Variants in KLF16 observed in about 807,000 individuals in gnomAD.
KLF16 encodes the protein KLF transcription factor 16.
In KLF16, 6 loss-of-function variants were observed where a neutral mutation model predicts 6.1. The ratio of observed to expected loss-of-function variants is 0.98; its 90% CI spans 0.54 to 1.93. The LOEUF (loss-of-function observed/expected upper bound fraction) is 1.93. Among genes scored for constraint, KLF16 ranks in the 30% most tolerant of loss-of-function variants. The pLI is 0.01. For missense variants in KLF16, 355 were observed against 363.8 expected (o/e 0.98, Z 0.20); for synonymous variants, 211 against 176.5 (o/e 1.20, Z -1.55).
chr19:1,874,746 C>CA, the KLF16 span: 859 of 41,994 alleles, frequency 0.02, 123 homozygotes, highest in Non-Finnish European at 0.027. Context: ...GTCAGAGTCC[C>CA]AAAAAAAAAA....
At chr19:1,868,316 C>T (rs1376755996), upstream of KLF16, among the ~76,000 whole-genome samples, 2 of 152,056 alleles carry the variant, frequency 1.3e-5, no homozygotes, top group African/African-American at 4.8e-5. Flanking sequence ...ACCAGGGGGC[C>T]GAGGTCAACA....
chr19:1,861,147 T>A (rs2012056844), intron 1 of KLF16, among the ~76,000 whole-genome samples: 1 of 151,874 alleles, frequency 6.6e-6, no homozygotes, highest in African/African-American at 2.4e-5. Flanking sequence ...ATCCCTCCCC[T>A]CCCTGCTGGC....
At chr19:1,875,258 C>T in the KLF16 span, 1 of 152,212 alleles carries the variant, frequency 6.6e-6, no homozygotes, top group South Asian at 2.1e-4. Context: ...TAAAAGACAG[C>T]AAAAACCCTA....
Position 1,853,254 on chromosome 19 carries a change from GA to G in KLF16, c.*1204del, listed in dbSNP as rs1568730533. ...ATGCCGGACCACCCATGGGGGCCCA[GA>G]AAAAAAGGAATCCGTGCCTGAAAAA... On this transcript the variant is annotated 3_prime_UTR_variant, in exon 2 of 2. Transcript: ENST00000250916. 6.6e-6 allele frequency: 1 copy of G among 151,510 alleles called. No individual in the cohort carries two copies. Among genetic ancestry groups the G allele is most frequent in the Middle Eastern group, 3.4e-3 (1 of 296 alleles). 9.4% of individuals were successfully genotyped at this position (151,510 alleles called of 1,614,324 possible).
the KLF16 span, among the ~76,000 whole-genome samples, chr19:1,870,937 T>C: frequency 1.1e-4 from 16 of 152,082 alleles, no homozygotes; most frequent in Non-Finnish European, 1.6e-4. Flanking sequence ...TGGAGATTGC[T>C]GTAAGCCAAG....
intron 1 of KLF16, 35 bp downstream of exon 1, chr19:1,863,006 G>GC: frequency 3.2e-6 from 4 of 1,236,054 alleles, no homozygotes; most frequent in South Asian, 2.1e-5. Context: ...TCAGGCGGCC[G>GC]CCCCCGCAAG....
the KLF16 span, chr19:1,875,639 G>A: frequency 5.2e-5 from 8 of 152,382 alleles, no homozygotes; most frequent in African/African-American, 1.9e-4. Flanking sequence ...AGACACGGCG[G>A]AGTCCCAGCT....
At chr19:1,860,290 A>T (rs1183375720) in intron 1 of KLF16, 1 of 152,228 alleles carries the variant, frequency 6.6e-6, no homozygotes, top group East Asian at 1.9e-4. Context: ...CACGCAGGGG[A>T]GAGAGAGCCG....
chr19:1,863,105 GA>G lies in KLF16; in HGVS notation c.392del (p.Phe131SerfsTer14). 1.4e-6 allele frequency: 2 copies of G among 1,397,550 alleles called. No homozygotes were observed. The highest frequency in any genetic ancestry group is 1.9e-6 in the Non-Finnish European group (2 of 1,057,114). 86.6% of individuals were successfully genotyped at this position (1,397,550 alleles called of 1,614,324 possible). On this transcript the variant is annotated frameshift_variant, in exon 1 of 2. Transcript: ENST00000250916. LOFTEE classifies it high-confidence loss of function. ...SAAAKSHRCPFPDCAKAYYKS... is the reference protein window; with the variant it reads ...SAAAKSHRCPXPDCAKAYYKS... ...TGTAGTAGGCTTTGGCGCAGTCCGG[GA>G]AGGGACAGCGGTGGCTCTTGGCGGC...
chr19:1,873,436 C>A, the KLF16 span, among the ~76,000 whole-genome samples: 1 of 152,166 alleles, frequency 6.6e-6, no homozygotes, highest in African/African-American at 2.4e-5. Flanking sequence ...AGGGTCTGCC[C>A]TCCCCCCGGG....
At position 1,854,504 on chromosome 19, in the gene KLF16, G is replaced by C. The variant is rs1368806642; in HGVS notation, c.714C>G (p.Ser238Arg). Residue 238 changes from serine (S) to arginine (R), a missense_variant, in exon 2 of 2, where the codon AGC (serine) becomes AGG (arginine). Coordinates refer to ENST00000250916, the MANE Select transcript of KLF16 (RefSeq NM_031918.4). The part of the protein sequence containing the change: ...SDSLPCSLAG[S>R]PAPSPAPSPA... ...GGCTGGGCGCGGGGCTGGGCGCAGG[G>C]CTCCCGGCCAGGCTGCAGGGCAGCG... 4.8e-6 allele frequency: 7 copies of C among 1,470,176 alleles called. No homozygotes were observed. The highest frequency in any genetic ancestry group is 6.2e-6 in the Non-Finnish European group (7 of 1,121,508). The allele number at this position is 1,470,176 out of a possible 1,614,324, so 91.1% of individuals were successfully genotyped here. A position where few individuals can be genotyped will look rare whatever the true frequency, so the allele number is the denominator to read the frequency against.
At chr19:1,874,765 A>C in the KLF16 span, 3 of 149,020 alleles carry the variant, frequency 2.0e-5, no homozygotes, top group Admixed American at 2.0e-4. Context: ...AAAAAAAAAA[A>C]AAAAAAAAAA....
At chr19:1,863,612 G>GGC (rs2012123109), upstream of KLF16, 2 of 311,092 alleles carry the variant, frequency 6.4e-6, no homozygotes, top group South Asian at 1.2e-4. Flanking sequence ...GAGGAGGCCC[G>GGC]GCGCGCGCCG....
chr19:1,872,138 G>C, the KLF16 span, among the ~76,000 whole-genome samples: 126 of 152,142 alleles, frequency 8.3e-4, no homozygotes, highest in Non-Finnish European at 1.2e-3. Context: ...GTGGTTTTTC[G>C]TTGTTTTTTT....
At chr19:1,863,653 C>A, upstream of KLF16, 1 of 171,322 alleles carries the variant, frequency 5.8e-6, no homozygotes, top group South Asian at 1.7e-4. Flanking sequence ...CCTGCCCCGC[C>A]CCGCCTGACG....
the KLF16 span, among the ~76,000 whole-genome samples, chr19:1,871,820 G>A: frequency 3.9e-5 from 6 of 152,056 alleles, no homozygotes; most frequent in Non-Finnish European, 7.4e-5. Flanking sequence ...GGTCCTGCAG[G>A]GAGCATCTCT....
At chr19:1,869,640 A>C in the KLF16 span, among the ~76,000 whole-genome samples, 1 of 152,156 alleles carries the variant, frequency 6.6e-6, no homozygotes, top group Non-Finnish European at 1.5e-5. Context: ...ATGAGATTTC[A>C]CTGTTGCCCA....
chr19:1,874,380 C>CT, the KLF16 span, among the ~76,000 whole-genome samples: 2 of 151,992 alleles, frequency 1.3e-5, no homozygotes, highest in South Asian at 2.1e-4. Context: ...GAAAAGAATG[C>CT]TTTTTTGGGA....
At position 1,854,327 on chromosome 19, in the gene KLF16, C is replaced by T; in HGVS notation, c.*132G>A. 3.5e-6 allele frequency: 4 copies of T among 1,156,654 alleles called. No homozygotes were observed. The highest frequency in any genetic ancestry group is 4.5e-6 in the Non-Finnish European group (4 of 889,204). 71.6% of individuals were successfully genotyped at this position (1,156,654 alleles called of 1,614,324 possible). On this transcript the variant is annotated 3_prime_UTR_variant, in exon 2 of 2. Transcript: ENST00000250916. Reference sequence around the variant, plus strand: ...GGTCCAGTCTCAGGCCCCCTCCTCACTCTCTGGAGGGGGGCAGGGGTGTCT... The same window carrying T: ...GGTCCAGTCTCAGGCCCCCTCCTCATTCTCTGGAGGGGGGCAGGGGTGTCT...
Sources: gnomAD v4.1 joint callset for allele counts (sites outside exome capture counted in the v4.1 genomes callset) on GRCh38, gnomAD v4.1.1 for gene constraint, MANE v1.5 for transcripts, NCBI Gene and HGNC (gene_info 2026-07-23, HGNC 2026-07-21) for gene names.